DHPS: variants seen among roughly 807,000 people sequenced by gnomAD.
The protein encoded by DHPS is migration-inducing gene 13.
DHPS carries 24 observed loss-of-function variants against 38.7 expected under a neutral mutation model. The observed-to-expected ratio is 0.62, with a 90% CI of 0.45 to 0.87. The LOEUF is 0.87. Ranked by LOEUF, DHPS falls within the 40% of genes least tolerant of loss-of-function variation. The pLI is 0.00. For missense variants in DHPS, 510 were observed against 497.6 expected (o/e 1.02, Z -0.24); for synonymous variants, 250 against 204.4 (o/e 1.22, Z -1.90).
rs912568665 is a variant in DHPS, at chr19:12,681,861, G to A, written c.-95C>T. On this transcript the variant is annotated 5_prime_UTR_variant, in exon 1 of 9. Coordinates refer to ENST00000210060, the MANE Select transcript of DHPS (RefSeq NM_001930.4). ...AACCCCGACGCGCGCGTCTCCGCAA[G>A]AGCACAGGAAGTAGGGAACGTGCTT... 3.5e-6 allele frequency: 4 copies of A among 1,127,348 alleles called. No individual in the cohort carries two copies. Among genetic ancestry groups the A allele is most frequent in the South Asian group, 1.3e-5 (1 of 74,810 alleles). 69.8% of individuals were successfully genotyped at this position (1,127,348 alleles called of 1,614,324 possible). A position where few individuals can be genotyped will look rare whatever the true frequency, so the allele number is the denominator to read the frequency against.
chr19:12,673,368 C>A, downstream of DHPS: 2 of 1,345,244 alleles, frequency 1.5e-6, no homozygotes, highest in African/African-American at 1.4e-5. Flanking sequence ...CCATCTCAGC[C>A]CTGTCCTTAC....
chr19:12,677,480 G>T, intron 5 of DHPS, 84 bp from the exon 6 acceptor site: 4 of 1,171,998 alleles, frequency 3.4e-6, no homozygotes, highest in Non-Finnish European at 4.9e-6. Context: ...TGTGGATGGG[G>T]TGCCTAATTT....
In DHPS at chr19:12,680,266, C is replaced by A; in HGVS notation, c.267G>T (p.Gln89His). ...QDEDQHADLT[Q>H]SRRPLTSCTI... is the part of the protein sequence containing the mutation. The stretch of plus-strand genomic sequence containing the variant: ...TGCAGCTGGTAAGTGGGCGGCGGCT[C>A]TGGGTCAGGTCCGCGTGCTGGTCTT... The change falls in exon 2 of 9, where the codon CAG (glutamine) becomes CAT (histidine). Residue 89 changes from glutamine to histidine, a missense_variant. Coordinates refer to ENST00000210060, the MANE Select transcript of DHPS (RefSeq NM_001930.4). 6.2e-7 allele frequency: 1 copy of A among 1,614,144 alleles called. No individual in the cohort carries two copies. Among genetic ancestry groups the A allele is most frequent in the South Asian group, 1.1e-5 (1 of 91,088 alleles).
chr19:12,677,517 G>A, intron 5 of DHPS, 121 bp from the exon 6 acceptor site: 1 of 777,030 alleles, frequency 1.3e-6, no homozygotes, highest in East Asian at 2.7e-5. Flanking sequence ...TCAATTATAA[G>A]CATAACAGAA....
chr19:12,678,834 C>A (rs2024703917), intron 5 of DHPS, among the ~76,000 whole-genome samples: 1 of 119,542 alleles, frequency 8.4e-6, no homozygotes, highest in African/African-American at 3.1e-5. Flanking sequence ...TTCTGATTCT[C>A]TAATTAAAGG....
chr19:12,672,839 T>C (rs1160329944), downstream of DHPS: 1 of 1,575,420 alleles, frequency 6.3e-7, no homozygotes, highest in Admixed American at 1.8e-5. Flanking sequence ...ATCTACCCTC[T>C]CCTGCAGCTC....
chr19:12,677,630 TTC>T (rs560025340), intron 5 of DHPS, among the ~76,000 whole-genome samples: 7 of 152,008 alleles, frequency 4.6e-5, no homozygotes, highest in Non-Finnish European at 7.4e-5. Flanking sequence ...GCTGAGCTGT[TTC>T]TCTCTCTTTT....
rs2024755453 is a variant in DHPS at position 12,680,191 on chromosome 19, C to T, written c.342G>A (p.Glu114=). 1 of 1,614,080 alleles carries T rather than the reference C, an allele frequency of 6.2e-7. No homozygotes were observed. Among genetic ancestry groups the T allele is most frequent in the Admixed American group, 1.7e-5 (1 of 59,998 alleles). ...TGTGCTGCACAAGGTAGCGAATGGT[C>T]TCACGGATGCCTGAACTGATGAGGT... ...TSNLISSGIR[E]TIRYLVQHNM... The change falls in exon 2 of 9, where the codon GAG becomes GAA. Residue 114 remains glutamate (E), a synonymous_variant. Coordinates refer to ENST00000210060, the MANE Select transcript of DHPS (RefSeq NM_001930.4).
At chr19:12,680,100 A>G (rs778392638) in intron 2 of DHPS, 61 bp downstream of exon 2, 525 of 1,599,624 alleles carry the variant, frequency 3.3e-4, no homozygotes, top group Non-Finnish European at 4.3e-4. Context: ...CACTTAAACG[A>G]TCAATAACTG....
At position 12,679,505 on chromosome 19, in the gene DHPS, C is replaced by T. The variant is rs763473481; in HGVS notation, c.630G>A (p.Leu210=). 1.3e-5 allele frequency: 21 copies of T among 1,614,076 alleles called. No individual in the cohort carries two copies. The South Asian group carries it at 2.3e-4, about 18-fold the overall frequency. The change falls in exon 5 of 9, where the codon CTG becomes CTA. Residue 210 remains leucine (L), a synonymous_variant. Coordinates refer to ENST00000210060, the MANE Select transcript of DHPS (RefSeq NM_001930.4). ...ACTCTGGGTTGTTGATCTCCTTGCC[C>T]AGCCGGGCGATCATCTTAGAAGGCG... The part of the protein sequence containing the change: ...KWTPSKMIAR[L]GKEINNPESV...
At position 12,681,816 on chromosome 19, in the gene DHPS, G is replaced by T. The variant is rs370113184; in HGVS notation, c.-50C>A. ...AAAGCTGCCCCTAGGCCGGGCTTACGGCGGCCCAGAAACGCGTTAAACCCC... is the reference window on the plus strand; with the variant it reads ...AAAGCTGCCCCTAGGCCGGGCTTACTGCGGCCCAGAAACGCGTTAAACCCC... On this transcript the variant is annotated 5_prime_UTR_variant, in exon 1 of 9. Transcript: ENST00000210060. The T allele has an allele frequency of 1.9e-6, 3 of 1,552,828 alleles. No individual in the cohort carries two copies. The highest frequency in any genetic ancestry group is 2.6e-6 in the Non-Finnish European group (3 of 1,143,708).
At chr19:12,680,110 G>A (rs763692063) in intron 2 of DHPS, 51 bp downstream of exon 2, 1 of 1,603,368 alleles carries the variant, frequency 6.2e-7, no homozygotes, top group African/African-American at 1.3e-5. Flanking sequence ...ATCAATAACT[G>A]CATTGCCCAT....
At chr19:12,680,859 G>A (rs1408190869) in intron 1 of DHPS, among the ~76,000 whole-genome samples, 2 of 116,200 alleles carry the variant, frequency 1.7e-5, no homozygotes, top group South Asian at 5.5e-4. Context: ...TTTTGAGACA[G>A]AGTATCGCTC....
At chr19:12,672,869 C>T (rs377382977), downstream of DHPS, 100 of 1,591,798 alleles carry the variant, frequency 6.3e-5, no homozygotes, top group Middle Eastern at 1.2e-3. Context: ...CCGCGTGAGA[C>T]GCTATGACCT....
At chr19:12,681,076 C>A in intron 1 of DHPS, 6 of 1,218,400 alleles carry the variant, frequency 4.9e-6, no homozygotes, top group Non-Finnish European at 6.4e-6. Context: ...TCTTGATCCA[C>A]CCGCCTCGGC....
rs745718525 is a variant in DHPS, at chr19:12,681,808, G to T, written c.-42C>A. 1.3e-6 allele frequency: 2 copies of T among 1,570,568 alleles called. No homozygotes were observed. The highest frequency in any genetic ancestry group is 2.7e-5 in the African/African-American group (2 of 74,122). ...CTCGAGTCAAAGCTGCCCCTAGGCC[G>T]GGCTTACGGCGGCCCAGAAACGCGT... On this transcript the variant is annotated 5_prime_UTR_variant, in exon 1 of 9. Coordinates refer to ENST00000210060, the MANE Select transcript of DHPS (RefSeq NM_001930.4).
At chr19:12,678,475 GAA>G (rs2024688960) in intron 5 of DHPS, among the ~76,000 whole-genome samples, 1 of 151,248 alleles carries the variant, frequency 6.6e-6, no homozygotes, top group African/African-American at 2.4e-5. Flanking sequence ...TCGTAAAAAA[GAA>G]AGAGTAAGTA....
downstream of DHPS, chr19:12,672,715 C>T (rs1429134810): frequency 1.0e-6 from 1 of 953,530 alleles, no homozygotes; most frequent in Non-Finnish European, 1.6e-6. Context: ...GGGCCTGAGT[C>T]TCAAGGCCAG....
downstream of DHPS, chr19:12,672,607 TCAAA>T (rs2024455882): frequency 1.8e-6 from 1 of 546,696 alleles, no homozygotes; most frequent in East Asian, 3.1e-5. Context: ...AAACTCTGTC[TCAAA>T]CAAAAGGAAG....
Sources: gnomAD v4.1 joint callset for allele counts (sites outside exome capture counted in the v4.1 genomes callset) on GRCh38, gnomAD v4.1.1 for gene constraint, MANE v1.5 for transcripts, NCBI Gene and HGNC (gene_info 2026-07-23, HGNC 2026-07-21) for gene names.